LPIN1: variants seen among roughly 807,000 people sequenced by gnomAD.
The protein encoded by LPIN1 is phosphatidate phosphatase LPIN1.
A neutral mutation model predicts 107.5 loss-of-function variants in LPIN1; 71 were observed. The ratio of observed to expected loss-of-function variants is 0.66; its 90% CI spans 0.55 to 0.80. The LOEUF is 0.80. Ranked by LOEUF, LPIN1 falls within the 30% of genes least tolerant of loss-of-function variation. The pLI is 0.00. For missense variants in LPIN1, 1,043 were observed against 1,160.6 expected, an observed-to-expected ratio of 0.90 and a Z score of 1.47; for synonymous variants, 445 against 452.6, an observed-to-expected ratio of 0.98 and a Z score of 0.21.
rs751882170 is a variant in LPIN1 at position 11,805,163 on chromosome 2, AC to A, written c.2249+8del. Reference sequence around the variant, plus strand: ...TGTACCATAAAGTGAGCCAGTGAGTACAGAGTTCCTGTTTCCCGCCTCCTGT... The same window carrying A: ...TGTACCATAAAGTGAGCCAGTGAGTAAGAGTTCCTGTTTCCCGCCTCCTGT... On this transcript the variant is annotated splice_region_variant and intron_variant, in intron 17 of 20. Transcript: ENST00000674199. 6.2e-7 allele frequency: 1 copy of A among 1,608,132 alleles called. No homozygotes were observed. Among genetic ancestry groups the A allele is most frequent in the Non-Finnish European group, 8.5e-7 (1 of 1,174,498 alleles).
intron 1 of LPIN1, among the ~76,000 whole-genome samples, chr2:11,751,390 C>A (rs1191929845): frequency 6.6e-6 from 1 of 152,198 alleles, no homozygotes; most frequent in Non-Finnish European, 1.5e-5. Context: ...ACATAAAAAA[C>A]ACAAGCTAGA....
At chr2:11,715,178 TG>T (rs1446249179) in intron 2 of LPIN1, among the ~76,000 whole-genome samples, 1 of 152,166 alleles carries the variant, frequency 6.6e-6, no homozygotes, top group Non-Finnish European at 1.5e-5. Context: ...CACATAGTCA[TG>T]GAGGCGGCCT....
intron 1 of LPIN1, among the ~76,000 whole-genome samples, chr2:11,748,088 G>A (rs1008171727): frequency 6.6e-5 from 10 of 152,218 alleles, no homozygotes; most frequent in Non-Finnish European, 4.4e-5. Context: ...GGGAGAGAAC[G>A]CGAGGGTTCA....
intron 1 of LPIN1, among the ~76,000 whole-genome samples, chr2:11,749,628 A>G (rs1174427905): frequency 6.6e-6 from 1 of 152,102 alleles, no homozygotes; most frequent in East Asian, 1.9e-4. Flanking sequence ...GACACTTTTC[A>G]CAATGAGGTA....
rs34503437 is a variant in LPIN1, at chr2:11,693,203, A to ATTTTT, written c.81+15488_81+15492dup. On this transcript the variant is annotated intron_variant, in intron 1 of 21. Coordinates refer to the LPIN1 transcript ENST00000449576. ...GGTCTGTCAGAATCACCTGAACAAC[A>ATTTTT]TTTTTTTTTTTTTTTTTGAGATGAT... Among the ~76,000 whole-genome samples the ATTTTT allele has an allele frequency of 3.8e-4, 52 of 135,232 alleles. 1 individual carries two copies. Among genetic ancestry groups the ATTTTT allele is most frequent in the African/African-American group, 6.5e-4 (23 of 35,450 alleles). 88.7% of individuals were successfully genotyped at this position (135,232 alleles called of 152,430 possible). A position where few individuals can be genotyped will look rare whatever the true frequency, so the allele number is the denominator to read the frequency against.
At chr2:11,788,812 G>A (rs1241673857) in intron 12 of LPIN1, among the ~76,000 whole-genome samples, 2 of 152,240 alleles carry the variant, frequency 1.3e-5, no homozygotes, top group African/African-American at 2.4e-5. Flanking sequence ...GGTGGAGCAG[G>A]CATCAGGGTC....
intron 18 of LPIN1, chr2:11,818,836 A>C (rs1681037784): frequency 6.6e-6 from 1 of 152,064 alleles, no homozygotes; most frequent in Non-Finnish European, 1.5e-5. Flanking sequence ...ATTGTATCAA[A>C]TCCTCTTTTT....
At chr2:11,766,788 A>G (rs997974282) in intron 2 of LPIN1, among the ~76,000 whole-genome samples, 1 of 151,968 alleles carries the variant, frequency 6.6e-6, no homozygotes, top group Admixed American at 6.5e-5. Context: ...CAAACAAACA[A>G]ACAAACAAAA....
intron 20 of LPIN1, among the ~76,000 whole-genome samples, chr2:11,822,875 AG>A (rs1235880248): frequency 6.6e-6 from 1 of 152,210 alleles, no homozygotes; most frequent in Non-Finnish European, 1.5e-5. Flanking sequence ...CTGAGGCTCT[AG>A]GGTTAAAATG....
chr2:11,709,176 C>T (rs1301556907), intron 1 of LPIN1, among the ~76,000 whole-genome samples: 2 of 152,178 alleles, frequency 1.3e-5, no homozygotes, highest in Non-Finnish European at 2.9e-5. Flanking sequence ...CCCCATCTCC[C>T]CCCTACTCAG....
chr2:11,810,738 A>G (rs1317062831), intron 17 of LPIN1, among the ~76,000 whole-genome samples: 1 of 152,152 alleles, frequency 6.6e-6, no homozygotes, highest in Non-Finnish European at 1.5e-5. Context: ...CGCATATCTG[A>G]TGAGGTGGCA....
chr2:11,768,967 C>G (rs111690594), intron 3 of LPIN1, among the ~76,000 whole-genome samples: 34 of 151,788 alleles, frequency 2.2e-4, no homozygotes, highest in African/African-American at 8.2e-4. Flanking sequence ...CAAAAAAACC[C>G]AAAAAAAACC....
intron 17 of LPIN1, among the ~76,000 whole-genome samples, chr2:11,810,735 C>G (rs1679503681): frequency 6.6e-6 from 1 of 152,196 alleles, no homozygotes; most frequent in Non-Finnish European, 1.5e-5. Context: ...TGCCGCATAT[C>G]TGATGAGGTG....
At chr2:11,824,349 C>T (rs1487696297) in intron 20 of LPIN1, among the ~76,000 whole-genome samples, 4 of 151,400 alleles carry the variant, frequency 2.6e-5, no homozygotes, top group Admixed American at 2.6e-4. Context: ...CTTCCTCCTG[C>T]CGTCTTTTGC....
intron 1 of LPIN1, among the ~76,000 whole-genome samples, chr2:11,691,547 C>G (rs1017882453): frequency 6.6e-6 from 1 of 152,170 alleles, no homozygotes; most frequent in Non-Finnish European, 1.5e-5. Context: ...GGCTTCAGCT[C>G]CATTCACCAT....
intron 14 of LPIN1, among the ~76,000 whole-genome samples, chr2:11,801,438 C>T (rs1677713609): frequency 6.6e-6 from 1 of 152,152 alleles, no homozygotes; most frequent in Admixed American, 6.5e-5. Context: ...AAGAATGAAT[C>T]CTGTCATTTG....
chr2:11,734,554 G>GA (rs1417674611), intron 1 of LPIN1, among the ~76,000 whole-genome samples: 3 of 152,110 alleles, frequency 2.0e-5, no homozygotes, highest in South Asian at 2.1e-4. Context: ...ACCCAAGAGG[G>GA]AAAAAAATCC....
At position 11,779,480 on chromosome 2, in the gene LPIN1, C is replaced by A. The variant is rs1383411019; in HGVS notation, c.831-39C>A. On this transcript the variant is annotated intron_variant, in intron 6 of 20. Coordinates refer to ENST00000674199, the MANE Select transcript of LPIN1 (RefSeq NM_001349206.2). Reference sequence around the variant, plus strand: ...GGGCCCAAAACATTTACAAAAGTTTCTTTTCCCACCTTAATTTTCGCTTTG... The same window carrying A: ...GGGCCCAAAACATTTACAAAAGTTTATTTTCCCACCTTAATTTTCGCTTTG... 3 of 1,609,948 alleles carry A rather than the reference C, an allele frequency of 1.9e-6. No homozygotes were observed. The African/African-American group carries it at 4.0e-5, about 22-fold the overall frequency.
intron 14 of LPIN1, among the ~76,000 whole-genome samples, chr2:11,796,269 G>T (rs1676697800): frequency 6.6e-6 from 1 of 152,198 alleles, no homozygotes; most frequent in Non-Finnish European, 1.5e-5. Context: ...GCCCCACAGA[G>T]TAGTCGTTTC....
Sources: gnomAD v4.1 joint callset for allele counts (sites outside exome capture counted in the v4.1 genomes callset) on GRCh38, gnomAD v4.1.1 for gene constraint, MANE v1.5 for transcripts, NCBI Gene and HGNC (gene_info 2026-07-23, HGNC 2026-07-21) for gene names.